MSI1: variants seen among roughly 807,000 people sequenced by gnomAD.
MSI1 encodes the protein RNA-binding protein Musashi homolog 1.
Under a neutral mutation model 54.4 loss-of-function variants are expected in MSI1, and 15 were observed. That is an observed-to-expected ratio of 0.28 (90% CI 0.18 to 0.42). The LOEUF (loss-of-function observed/expected upper bound fraction) is 0.42, where lower values mean the gene tolerates loss of function less well. Ranked by LOEUF, MSI1 falls within the 20% of genes least tolerant of loss-of-function variation. MSI1 has a pLI of 1.00. For synonymous variants in MSI1, 200 were observed against 196.5 expected (o/e 1.02, Z -0.15); for missense variants, 304 against 506.0 (o/e 0.60, Z 3.83).
At chr12:120,358,908 A>T in intron 7 of MSI1, 97 bp downstream of exon 7, 1 of 1,337,220 alleles carries the variant, frequency 7.5e-7, no homozygotes, top group Non-Finnish European at 1.0e-6. Flanking sequence ...CCTGGGGGAT[A>T]GGATGTCAGA....
intron 11 of MSI1, among the ~76,000 whole-genome samples, chr12:120,350,176 C>A (rs1481654362): frequency 6.6e-6 from 1 of 152,108 alleles, no homozygotes; most frequent in Non-Finnish European, 1.5e-5. Context: ...CATGCACCAC[C>A]ACCACACCTG....
At chr12:120,359,163 C>T (rs991642311) in intron 6 of MSI1, 110 bp from the exon 7 acceptor site, 2 of 1,307,212 alleles carry the variant, frequency 1.5e-6, no homozygotes, top group Non-Finnish European at 2.2e-6. Flanking sequence ...CCAGGCTTGA[C>T]CTTCAACCTG....
chr12:120,354,965 G>T (rs1315029409), intron 9 of MSI1, among the ~76,000 whole-genome samples: 1 of 138,524 alleles, frequency 7.2e-6, no homozygotes, highest in African/African-American at 2.7e-5. Context: ...AACCTGAGGT[G>T]AGAAGATTGC....
chr12:120,355,414 A>AG (rs1452016540), intron 9 of MSI1, among the ~76,000 whole-genome samples: 1 of 152,054 alleles, frequency 6.6e-6, no homozygotes, highest in Non-Finnish European at 1.5e-5. Flanking sequence ...AAAAAAAAAA[A>AG]AAAAAGAAAG....
At chr12:120,351,921 G>A (rs1290173695) in intron 10 of MSI1, among the ~76,000 whole-genome samples, 2 of 151,030 alleles carry the variant, frequency 1.3e-5, no homozygotes, top group Non-Finnish European at 2.9e-5. Context: ...TATTAGCCAG[G>A]ATGGTCTCGA....
At chr12:120,344,429 C>T (rs1040275686) in intron 14 of MSI1, among the ~76,000 whole-genome samples, 6 of 151,910 alleles carry the variant, frequency 3.9e-5, no homozygotes, top group African/African-American at 1.2e-4. Flanking sequence ...GTGGCTGGGC[C>T]CGGTGGCTCA....
At chr12:120,353,509 C>A in intron 9 of MSI1, 130 bp from the exon 10 acceptor site, 1 of 777,132 alleles carries the variant, frequency 1.3e-6, no homozygotes, top group East Asian at 2.6e-5. Flanking sequence ...CTCCAAATAC[C>A]TTCTTCATAC....
At chr12:120,357,269 C>T (rs142499554) in intron 8 of MSI1, among the ~76,000 whole-genome samples, 1 of 152,290 alleles carries the variant, frequency 6.6e-6, no homozygotes, top group African/African-American at 2.4e-5. Context: ...TCCCATTTGA[C>T]AGATGTGGAA....
intron 6 of MSI1, among the ~76,000 whole-genome samples, chr12:120,360,043 T>G (rs1183859035): frequency 1.3e-5 from 2 of 152,078 alleles, no homozygotes; most frequent in East Asian, 3.9e-4. Flanking sequence ...TGGAGTTCTG[T>G]GGCATGATCT....
intron 9 of MSI1, among the ~76,000 whole-genome samples, 157 bp downstream of exon 9, chr12:120,356,745 G>T (rs1259641628): frequency 6.6e-6 from 1 of 152,212 alleles, no homozygotes; most frequent in Non-Finnish European, 1.5e-5. Flanking sequence ...CCTTGGGTAG[G>T]ACTGCCAGAC....
At chr12:120,366,089 G>A (rs897504326) in intron 4 of MSI1, among the ~76,000 whole-genome samples, 8 of 152,210 alleles carry the variant, frequency 5.3e-5, no homozygotes, top group Admixed American at 1.3e-4. Flanking sequence ...GGCATGAGAC[G>A]CTGTGATCCA....
In MSI1 at chr12:120,347,465, C is replaced by G. The variant is rs141481855; in HGVS notation, c.840G>C (p.Ala280=). 3 of 1,613,960 alleles carry G rather than the reference C, an allele frequency of 1.9e-6. No homozygotes were observed. The highest frequency in any genetic ancestry group is 2.5e-6 in the Non-Finnish European group (3 of 1,179,954). The change falls in exon 12 of 15, where the codon GCG becomes GCC. Residue 280 remains alanine, a synonymous_variant. Transcript: ENST00000257552. ...YGPMAAAAAA[A]AVVRGTGSHP... is the part of the protein sequence containing the mutation. ...GCTCACCTGTCCCTCGAACCACAGC[C>G]GCTGCCGCCGCTGCCGCCGCCATTG...
At chr12:120,339,679 A>G (rs1208026311), downstream of MSI1, among the ~76,000 whole-genome samples, 1 of 151,982 alleles carries the variant, frequency 6.6e-6, no homozygotes, top group Non-Finnish European at 1.5e-5. Flanking sequence ...GAAATTCCTG[A>G]GTGAAAGACC....
At chr12:120,353,689 T>C (rs550129691) in intron 9 of MSI1, among the ~76,000 whole-genome samples, 2 of 152,320 alleles carry the variant, frequency 1.3e-5, no homozygotes, top group Non-Finnish European at 2.9e-5. Flanking sequence ...GCTTCCCTCC[T>C]GTCCTCATCT....
At chr12:120,346,729 C>T (rs1326845504) in intron 12 of MSI1, among the ~76,000 whole-genome samples, 1 of 152,186 alleles carries the variant, frequency 6.6e-6, no homozygotes. Context: ...ATTCCCTCAA[C>T]CAGAAACACT....
chr12:120,360,232 G>A (rs1285226897), intron 6 of MSI1, among the ~76,000 whole-genome samples: 6 of 152,088 alleles, frequency 3.9e-5, no homozygotes, highest in African/African-American at 9.7e-5. Context: ...TGATCCACCC[G>A]CCTCAGCCTC....
At chr12:120,354,400 C>A (rs913056563) in intron 9 of MSI1, among the ~76,000 whole-genome samples, 1 of 151,842 alleles carries the variant, frequency 6.6e-6, no homozygotes, top group African/African-American at 2.4e-5. Flanking sequence ...CTCTTAACCA[C>A]CGATCTCACT....
At chr12:120,364,374 C>T (rs1875887946) in intron 5 of MSI1, among the ~76,000 whole-genome samples, 1 of 152,104 alleles carries the variant, frequency 6.6e-6, no homozygotes, top group Admixed American at 6.5e-5. Flanking sequence ...TTCCAGAGGC[C>T]TGGACATCAA....
At chr12:120,345,753 C>G in intron 13 of MSI1, 121 bp from the exon 14 acceptor site, 1 of 1,230,372 alleles carries the variant, frequency 8.1e-7, no homozygotes, top group South Asian at 1.3e-5. Context: ...TCCGGATCGC[C>G]CCCCTACTGC....
Sources: gnomAD v4.1 joint callset for allele counts (sites outside exome capture counted in the v4.1 genomes callset) on GRCh38, gnomAD v4.1.1 for gene constraint, MANE v1.5 for transcripts, NCBI Gene and HGNC (gene_info 2026-07-23, HGNC 2026-07-21) for gene names.